The following SNX18 variants were observed in gnomAD, a reference collection of about 807,000 sequenced individuals.
SNX18 encodes the protein sorting nexin 18.
A neutral mutation model predicts 48.7 loss-of-function variants in SNX18; 35 were observed. The observed-to-expected ratio is 0.72, with a 90% CI of 0.55 to 0.95. The LOEUF (loss-of-function observed/expected upper bound fraction) is 0.95. Among genes scored for constraint, SNX18 ranks in the 40% least tolerant of loss-of-function variants. The pLI, the probability that SNX18 is intolerant of heterozygous loss-of-function variation, is 0.00. For missense variants in SNX18, 824 were observed against 871.0 expected (o/e 0.95, Z 0.68); for synonymous variants, 492 against 384.7 (o/e 1.28, Z -3.26).
At chr5:54,577,529 C>T in the SNX18 span, among the ~76,000 whole-genome samples, 4 of 152,150 alleles carry the variant, frequency 2.6e-5, no homozygotes, top group South Asian at 8.3e-4. Flanking sequence ...AAAATTGAAG[C>T]CCAGAGAGAG....
At chr5:54,625,282 G>A in the SNX18 span, among the ~76,000 whole-genome samples, 1 of 152,114 alleles carries the variant, frequency 6.6e-6, no homozygotes, top group East Asian at 1.9e-4. Context: ...CTGCGGGTCC[G>A]GCCTTGCTGT....
chr5:54,591,119 C>T, the SNX18 span, among the ~76,000 whole-genome samples: 1 of 152,138 alleles, frequency 6.6e-6, no homozygotes, highest in Non-Finnish European at 1.5e-5. Context: ...AGGTACCACT[C>T]TTGACCACAT....
the SNX18 span, among the ~76,000 whole-genome samples, chr5:54,623,711 G>T: frequency 5.9e-5 from 9 of 152,298 alleles, no homozygotes; most frequent in East Asian, 1.7e-3. Flanking sequence ...TCCCCAAAAT[G>T]CATGGGGTGC....
chr5:54,571,291 A>G, the SNX18 span, among the ~76,000 whole-genome samples: 1 of 152,148 alleles, frequency 6.6e-6, no homozygotes, highest in African/African-American at 2.4e-5. Flanking sequence ...TCCACTCTGT[A>G]AATTACGAGG....
Position 54,519,585 on chromosome 5 carries a change from C to G in SNX18, c.1621+12C>G. ...CCACGTTCAGAAAGGTAAAGCCTGG[C>G]CCTTAGAGCAGGTGATATGGAGTGT... On this transcript the variant is annotated intron_variant, in intron 1 of 1. Transcript: ENST00000381410. The G allele has an allele frequency of 6.2e-7, 1 of 1,614,158 alleles. No individual in the cohort carries two copies. The highest frequency in any genetic ancestry group is 8.5e-7 in the Non-Finnish European group (1 of 1,180,040).
At chr5:54,557,615 G>A in the SNX18 span, among the ~76,000 whole-genome samples, 1 of 152,154 alleles carries the variant, frequency 6.6e-6, no homozygotes, top group African/African-American at 2.4e-5. Context: ...GCCCCAGGCT[G>A]GAGGGAAGGG....
the SNX18 span, among the ~76,000 whole-genome samples, chr5:54,568,685 G>A: frequency 1.8e-4 from 27 of 152,166 alleles, no homozygotes; most frequent in African/African-American, 5.3e-4. Context: ...CTGAGCCCTA[G>A]TGGGCTTATT....
chr5:54,570,707 C>T, the SNX18 span, among the ~76,000 whole-genome samples: 1 of 152,138 alleles, frequency 6.6e-6, no homozygotes, highest in African/African-American at 2.4e-5. Context: ...TCAGAACATA[C>T]AAAGACTGAT....
At chr5:54,532,975 A>G (rs571025728) in intron 1 of SNX18, among the ~76,000 whole-genome samples, 1 of 152,320 alleles carries the variant, frequency 6.6e-6, no homozygotes, top group South Asian at 2.1e-4. Context: ...TGCTGAATGA[A>G]GCTATAAGAA....
chr5:54,558,785 T>C, the SNX18 span, among the ~76,000 whole-genome samples: 1 of 152,140 alleles, frequency 6.6e-6, no homozygotes, highest in African/African-American at 2.4e-5. Flanking sequence ...GGTTGTTCGA[T>C]GTAAAAAAGG....
the SNX18 span, among the ~76,000 whole-genome samples, chr5:54,607,107 G>A: frequency 1.3e-5 from 2 of 152,108 alleles, no homozygotes; most frequent in Non-Finnish European, 2.9e-5. Flanking sequence ...TGGTTCCTGG[G>A]TAATAATAAT....
chr5:54,548,517 C>T (rs1391987703), downstream of SNX18, among the ~76,000 whole-genome samples: 1 of 152,202 alleles, frequency 6.6e-6, no homozygotes, highest in Non-Finnish European at 1.5e-5. Context: ...TGGGTCAGAT[C>T]CTAGTTGCTC....
chr5:54,588,306 C>CTTTATTTT, the SNX18 span, among the ~76,000 whole-genome samples: 66 of 73,918 alleles, frequency 8.9e-4, 6 homozygotes, highest in Non-Finnish European at 1.1e-3. Context: ...TATTTCTATT[C>CTTTATTTT]TTTTTTTTTT....
At chr5:54,639,003 A>G in the SNX18 span, among the ~76,000 whole-genome samples, 1 of 152,224 alleles carries the variant, frequency 6.6e-6, no homozygotes, top group Non-Finnish European at 1.5e-5. Context: ...TATTCATTCT[A>G]TAGGCCTCAC....
the SNX18 span, among the ~76,000 whole-genome samples, chr5:54,579,851 C>A: frequency 6.6e-6 from 1 of 152,184 alleles, no homozygotes; most frequent in Non-Finnish European, 1.5e-5. Flanking sequence ...TTCTCAAGTT[C>A]TCAAGAAACT....
chr5:54,617,496 C>T, the SNX18 span, among the ~76,000 whole-genome samples: 1 of 152,172 alleles, frequency 6.6e-6, no homozygotes, highest in Non-Finnish European at 1.5e-5. Flanking sequence ...CCTTGTCTGT[C>T]AGTGGCATTA....
At chr5:54,590,898 A>G in the SNX18 span, among the ~76,000 whole-genome samples, 6 of 152,318 alleles carry the variant, frequency 3.9e-5, no homozygotes, top group South Asian at 1.2e-3. Context: ...CACTTGGTGC[A>G]TGATGAGTAA....
chr5:54,530,265 C>A (rs964761492), intron 1 of SNX18, among the ~76,000 whole-genome samples: 1 of 152,150 alleles, frequency 6.6e-6, no homozygotes, highest in Non-Finnish European at 1.5e-5. Flanking sequence ...CAAAAAAGGT[C>A]ACAGTCAAAG....
At chr5:54,579,375 A>ACATCATATATATTTTCTGTAACCC in the SNX18 span, among the ~76,000 whole-genome samples, 1 of 152,014 alleles carries the variant, frequency 6.6e-6, no homozygotes, top group Non-Finnish European at 1.5e-5. Flanking sequence ...AATGAGAACC[A>ACATCATATATATTTTCTGTAACCC]CATCATATAT....
Sources: gnomAD v4.1 joint callset for allele counts (sites outside exome capture counted in the v4.1 genomes callset) on GRCh38, gnomAD v4.1.1 for gene constraint, MANE v1.5 for transcripts, NCBI Gene and HGNC (gene_info 2026-07-23, HGNC 2026-07-21) for gene names.